Variants in PLEK observed in about 807,000 individuals in gnomAD.
PLEK encodes the protein pleckstrin, also known as platelet 47 kDa protein.
A neutral mutation model predicts 43.9 loss-of-function variants in PLEK; 25 were observed. The ratio of observed to expected loss-of-function variants is 0.57; its 90% CI spans 0.41 to 0.79. The LOEUF (loss-of-function observed/expected upper bound fraction) is 0.79. Among genes scored for constraint, PLEK ranks in the 30% least tolerant of loss-of-function variants. PLEK has a pLI of 0.00. For missense variants in PLEK, 396 were observed against 413.3 expected (o/e 0.96, Z 0.36); for synonymous variants, 152 against 144.4 (o/e 1.05, Z -0.38).
At chr2:68,373,439 G>A (rs1423917712) in intron 1 of PLEK, among the ~76,000 whole-genome samples, 4 of 151,928 alleles carry the variant, frequency 2.6e-5, no homozygotes, top group Non-Finnish European at 4.4e-5. Context: ...GTATACATGT[G>A]CCATGTTGTT....
chr2:68,371,313 C>T (rs1056168843), intron 1 of PLEK, among the ~76,000 whole-genome samples: 1 of 152,214 alleles, frequency 6.6e-6, no homozygotes, highest in South Asian at 2.1e-4. Context: ...GGCATTCACA[C>T]CTGCTCTACC....
At position 68,365,317 on chromosome 2, in the gene PLEK, T is replaced by G; in HGVS notation, c.-35T>G. 1 of 1,607,628 alleles carries G rather than the reference T, an allele frequency of 6.2e-7. No homozygotes were observed. The highest frequency in any genetic ancestry group is 8.5e-7 in the Non-Finnish European group (1 of 1,174,280). On this transcript the variant is annotated 5_prime_UTR_variant, in exon 1 of 9. Transcript: ENST00000234313. ...GGCCCAGCTGCTGAGAGGAGTTGCC[T>G]GAGAGTGACCTTTGCATCTGCCTGT...
chr2:68,372,153 A>G (rs1490613684), intron 1 of PLEK, among the ~76,000 whole-genome samples: 1 of 149,796 alleles, frequency 6.7e-6, no homozygotes, highest in Admixed American at 6.8e-5. Flanking sequence ...CAGTTGTTGC[A>G]GTTTTTTAAA....
At chr2:68,376,959 C>G (rs997221685) in intron 1 of PLEK, among the ~76,000 whole-genome samples, 1 of 152,140 alleles carries the variant, frequency 6.6e-6, no homozygotes, top group South Asian at 2.1e-4. Context: ...TCCTTCTACT[C>G]TCTGTGTCCA....
intron 1 of PLEK, among the ~76,000 whole-genome samples, chr2:68,372,409 C>A (rs1057380934): frequency 1.3e-5 from 2 of 152,122 alleles, no homozygotes; most frequent in Non-Finnish European, 2.9e-5. Flanking sequence ...CTCCTGGCCT[C>A]AAGTGATCCA....
chr2:68,368,171 G>C (rs1222389357), intron 1 of PLEK, among the ~76,000 whole-genome samples: 2 of 152,192 alleles, frequency 1.3e-5, no homozygotes, highest in Non-Finnish European at 2.9e-5. Flanking sequence ...TTAAGAGGGG[G>C]AGGGAAAATA....
intron 1 of PLEK, among the ~76,000 whole-genome samples, chr2:68,370,568 C>T (rs1222048402): frequency 6.6e-6 from 1 of 152,136 alleles, no homozygotes; most frequent in African/African-American, 2.4e-5. Flanking sequence ...TCACTGTAAC[C>T]TCCACCTCCA....
At chr2:68,388,681 G>A (rs548163931) in intron 6 of PLEK, among the ~76,000 whole-genome samples, 190 bp downstream of exon 6, 1 of 152,226 alleles carries the variant, frequency 6.6e-6, no homozygotes, top group South Asian at 2.1e-4. Flanking sequence ...GAGTTTGACA[G>A]GGCAGAAGAT....
chr2:68,395,772 G>A lies in PLEK; in HGVS notation c.1009G>A (p.Glu337Lys), dbSNP rs1397671567. ...AGCAGCCACCCCCAAGGAGCGCACA[G>A]AGTGGATCAGAGCCATCCAGATGGC... is the stretch of plus-strand genomic sequence containing the variant. ...LQAATPKERT[E>K]WIRAIQMASR... Residue 337 changes from glutamate to lysine, a missense_variant, in exon 9 of 9, where the codon GAG (glutamate) becomes AAG (lysine). Transcript: ENST00000234313. 6.2e-7 allele frequency: 1 copy of A among 1,613,712 alleles called. No homozygotes were observed. Among genetic ancestry groups the A allele is most frequent in the African/African-American group, 1.3e-5 (1 of 74,908 alleles).
At chr2:68,383,755 A>G (rs766563681) in intron 4 of PLEK, among the ~76,000 whole-genome samples, 1 of 152,204 alleles carries the variant, frequency 6.6e-6, no homozygotes, top group Non-Finnish European at 1.5e-5. Flanking sequence ...CTGAGCTGAT[A>G]CAGCAAATGT....
At chr2:68,381,133 CAGAGAGAG>C (rs10538878) in intron 3 of PLEK, among the ~76,000 whole-genome samples, 6 of 150,090 alleles carry the variant, frequency 4.0e-5, no homozygotes, top group African/African-American at 1.2e-4. Context: ...TACTGGGTAC[CAGAGAGAG>C]AGAGAGAGAG....
chr2:68,382,605 C>G lies in PLEK; in HGVS notation c.444C>G (p.Asp148Glu). The G allele has an allele frequency of 1.2e-6, 2 of 1,603,556 alleles. No individual in the cohort carries two copies. The highest frequency in any genetic ancestry group is 1.7e-6 in the Non-Finnish European group (2 of 1,170,644). ...KGIKELNLEK[D>E]KKIFNHCFTG... ...TAAAAGAACTGAATCTAGAGAAGGACAAGAAGATTTTTAATCACTGCTTCA... is the reference window on the plus strand; with the variant it reads ...TAAAAGAACTGAATCTAGAGAAGGAGAAGAAGATTTTTAATCACTGCTTCA... The change falls in exon 4 of 9, where the codon GAC (aspartate) becomes GAG (glutamate). Residue 148 changes from aspartate (D) to glutamate (E), a missense_variant. By Grantham distance (45) the Asp-to-Glu change is conservative. Transcript: ENST00000234313.
chr2:68,367,414 C>T (rs1673301264), intron 1 of PLEK, among the ~76,000 whole-genome samples: 1 of 152,176 alleles, frequency 6.6e-6, no homozygotes, highest in African/African-American at 2.4e-5. Context: ...CTGATCCTCT[C>T]CCTTCTCCAA....
chr2:68,376,501 G>A (rs1673503885), intron 1 of PLEK, among the ~76,000 whole-genome samples: 1 of 152,070 alleles, frequency 6.6e-6, no homozygotes, highest in African/African-American at 2.4e-5. Flanking sequence ...AGGTCTATAG[G>A]ATCATTTTAG....
intron 1 of PLEK, among the ~76,000 whole-genome samples, chr2:68,377,102 C>A (rs1178520864): frequency 6.6e-6 from 1 of 152,082 alleles, no homozygotes; most frequent in Non-Finnish European, 1.5e-5. Context: ...ATGACAGGAC[C>A]TTCTTTTTTA....
At chr2:68,372,246 T>C (rs1191048529) in intron 1 of PLEK, among the ~76,000 whole-genome samples, 1 of 151,814 alleles carries the variant, frequency 6.6e-6, no homozygotes, top group African/African-American at 2.4e-5. Context: ...TGATCTAGGC[T>C]CACTGCAATC....
At chr2:68,391,124 T>C (rs1333488303) in intron 6 of PLEK, among the ~76,000 whole-genome samples, 2 of 152,216 alleles carry the variant, frequency 1.3e-5, no homozygotes, top group East Asian at 3.8e-4. Context: ...CTTGGAAACC[T>C]GAGGCATACA....
intron 1 of PLEK, among the ~76,000 whole-genome samples, chr2:68,375,976 A>T (rs1028747806): frequency 2.6e-5 from 4 of 152,228 alleles, no homozygotes; most frequent in African/African-American, 9.6e-5. Context: ...CTGGCATTAT[A>T]GACCTTTTGC....
In PLEK at chr2:68,382,709, G is replaced by A. The variant is rs1372814554; in HGVS notation, c.472+76G>A. 6 of 822,822 alleles carry A rather than the reference G, an allele frequency of 7.3e-6. No homozygotes were observed. The Admixed American group carries it at 1.1e-4, about 16-fold the overall frequency. 51.0% of individuals were successfully genotyped at this position (822,822 alleles called of 1,614,324 possible). ...GTCCTCCTTCGGCCTCGTCTGTGAG[G>A]TGGGGGTATGAAGTATGGGGGTTGG... On this transcript the variant is annotated intron_variant, in intron 4 of 8. Transcript: ENST00000234313.
Sources: gnomAD v4.1 joint callset for allele counts (sites outside exome capture counted in the v4.1 genomes callset) on GRCh38, gnomAD v4.1.1 for gene constraint, MANE v1.5 for transcripts, NCBI Gene and HGNC (gene_info 2026-07-23, HGNC 2026-07-21) for gene names.